P4HA2: variants seen among roughly 807,000 people sequenced by gnomAD.
P4HA2 encodes prolyl 4-hydroxylase subunit alpha-2.
Under a neutral mutation model 76.9 loss-of-function variants are expected in P4HA2, and 46 were observed. That is an observed-to-expected ratio of 0.60 (90% CI 0.47 to 0.76). The LOEUF is 0.76. Among genes scored for constraint, P4HA2 ranks in the 30% least tolerant of loss-of-function variants. P4HA2 has a pLI of 0.00. For missense variants in P4HA2, 583 were observed against 669.4 expected (o/e 0.87, Z 1.42); for synonymous variants, 243 against 254.0 (o/e 0.96, Z 0.41).
At position 132,227,825 on chromosome 5, in the gene P4HA2, C is replaced by G. The variant is rs1755613648; in HGVS notation, c.-54G>C. The G allele has an allele frequency of 6.6e-6, 1 of 152,242 alleles. No homozygotes were observed. Among genetic ancestry groups the G allele is most frequent in the Non-Finnish European group, 1.5e-5 (1 of 68,074 alleles). The allele number at this position is 152,242 out of a possible 1,614,324, so 9.4% of individuals were successfully genotyped here. A position where few individuals can be genotyped will look rare whatever the true frequency, so the allele number is the denominator to read the frequency against. On this transcript the variant is annotated 5_prime_UTR_variant, in exon 1 of 15. Coordinates refer to ENST00000360568, the MANE Select transcript of P4HA2 (RefSeq NM_001017974.2). ...GCAGCTCCCGGCGTTTCCAGAACCT[C>G]CCGCGGCGTCGCCCGGTCAGCTCGG...
At chr5:132,199,050 C>G (rs1751117285) in intron 10 of P4HA2, 118 bp from the exon 11 acceptor site, 1 of 717,606 alleles carries the variant, frequency 1.4e-6, no homozygotes, top group Non-Finnish European at 2.5e-6. Context: ...CAAGAGCAGC[C>G]TCTCTAAGGT....
At chr5:132,194,024 C>T (rs1750231836) in intron 14 of P4HA2, among the ~76,000 whole-genome samples, 1 of 152,132 alleles carries the variant, frequency 6.6e-6, no homozygotes, top group South Asian at 2.1e-4. Flanking sequence ...TGATATTTAA[C>T]CTCATTTTTC....
At chr5:132,218,493 C>T (rs969692356) in intron 2 of P4HA2, 52 bp downstream of exon 2, 13 of 1,242,778 alleles carry the variant, frequency 1.0e-5, no homozygotes, top group Admixed American at 1.7e-5. Context: ...CAGAGACATC[C>T]GTGGCATGTG....
In P4HA2 at chr5:132,218,526, C is replaced by T; in HGVS notation, c.82+19G>A. The stretch of plus-strand genomic sequence containing the variant: ...GTGAGCCAAGGTGTCAGGGAGACGA[C>T]AGTCCTGTTGGCACGTACCAATAGA... On this transcript the variant is annotated intron_variant, in intron 2 of 14. Coordinates refer to ENST00000360568, the MANE Select transcript of P4HA2 (RefSeq NM_001017974.2). 6.4e-7 allele frequency: 1 copy of T among 1,571,158 alleles called. No homozygotes were observed. Among genetic ancestry groups the T allele is most frequent in the Non-Finnish European group, 8.8e-7 (1 of 1,141,364 alleles).
At chr5:132,206,675 A>G (rs967197167) in intron 8 of P4HA2, among the ~76,000 whole-genome samples, 2 of 152,258 alleles carry the variant, frequency 1.3e-5, no homozygotes, top group Admixed American at 6.5e-5. Flanking sequence ...CAAAACCAAC[A>G]GCCAACTGCA....
intron 4 of P4HA2, among the ~76,000 whole-genome samples, chr5:132,216,981 A>G (rs911947008): frequency 2.0e-5 from 3 of 152,210 alleles, no homozygotes; most frequent in African/African-American, 7.2e-5. Context: ...AAAGACGCTA[A>G]AAAAAGAACT....
In P4HA2 at chr5:132,192,017, C is replaced by T. The variant is rs1749963583; in HGVS notation, c.*993G>A. The T allele has an allele frequency of 1.3e-5, 2 of 152,226 alleles. No individual in the cohort carries two copies. Among genetic ancestry groups the T allele is most frequent in the Non-Finnish European group, 2.9e-5 (2 of 68,044 alleles). The allele number at this position is 152,226 out of a possible 1,614,324, so 9.4% of individuals were successfully genotyped here. On this transcript the variant is annotated 3_prime_UTR_variant, in exon 15 of 15. Coordinates refer to ENST00000360568, the MANE Select transcript of P4HA2 (RefSeq NM_001017974.2). The stretch of plus-strand genomic sequence containing the variant: ...GAAGCCACATACCCAAAAATATTTA[C>T]TCTCATTCTATTAGTAAAAGTTCAA...
At chr5:132,196,860 C>CAAAAAAA (rs34410092) in intron 12 of P4HA2, among the ~76,000 whole-genome samples, 1 of 99,992 alleles carries the variant, frequency 1.0e-5, no homozygotes, top group Non-Finnish European at 1.9e-5. Flanking sequence ...GAGTCTGTCT[C>CAAAAAAA]AAAAAAAAAA....
intron 1 of P4HA2, chr5:132,227,308 A>C (rs959471870): frequency 6.6e-6 from 1 of 152,296 alleles, no homozygotes; most frequent in Non-Finnish European, 1.5e-5. Flanking sequence ...ATGGGCTCCA[A>C]GCTGGACCCT....
intron 1 of P4HA2, among the ~76,000 whole-genome samples, chr5:132,219,251 A>G (rs1364818722): frequency 2.0e-5 from 3 of 152,228 alleles, no homozygotes; most frequent in African/African-American, 7.2e-5. Flanking sequence ...CAGAGGAGAC[A>G]GTCTCCTAGG....
intron 8 of P4HA2, among the ~76,000 whole-genome samples, chr5:132,205,256 A>G (rs1752051109): frequency 6.6e-6 from 1 of 152,214 alleles, no homozygotes; most frequent in Non-Finnish European, 1.5e-5. Flanking sequence ...TGAAGGGTTA[A>G]CATGAGTTAT....
intron 1 of P4HA2, among the ~76,000 whole-genome samples, chr5:132,218,948 C>T (rs924330431): frequency 2.0e-5 from 3 of 152,166 alleles, no homozygotes; most frequent in South Asian, 2.1e-4. Flanking sequence ...ACAGTCAGCT[C>T]GGGTTCCAAT....
At chr5:132,217,171 T>C in intron 4 of P4HA2, 26 bp downstream of exon 4, 1 of 1,610,090 alleles carries the variant, frequency 6.2e-7, no homozygotes, top group Non-Finnish European at 8.5e-7. Context: ...ATGGGCTCAC[T>C]CAAGCACCTG....
intron 12 of P4HA2, among the ~76,000 whole-genome samples, chr5:132,196,961 T>C (rs1750723888): frequency 6.6e-6 from 1 of 151,506 alleles, no homozygotes; most frequent in Non-Finnish European, 1.5e-5. Context: ...TATGTTCTGC[T>C]CACCAGCATG....
chr5:132,217,368 G>C lies in P4HA2; in HGVS notation c.180-20C>G. The C allele has an allele frequency of 6.2e-7, 1 of 1,613,722 alleles. No individual in the cohort carries two copies. The highest frequency in any genetic ancestry group is 8.5e-7 in the Non-Finnish European group (1 of 1,179,662). ...GCCCAGCTGTGGAACCAGAGGAAAA[G>C]GAAGACTAATGCGTCCACCCACATA... On this transcript the variant is annotated intron_variant, in intron 3 of 14. Coordinates refer to ENST00000360568, the MANE Select transcript of P4HA2 (RefSeq NM_001017974.2).
At position 132,218,634 on chromosome 5, in the gene P4HA2, G is replaced by T; in HGVS notation, c.-8C>A. The stretch of plus-strand genomic sequence containing the variant: ...AGACACCCAGAGTTTCATGGTCACA[G>T]AGGGAAGTGTCTGAAAGGCATTCAA... On this transcript the variant is annotated 5_prime_UTR_variant, in exon 2 of 15. It adds an upstream start codon to the 5' untranslated region. Transcript: ENST00000360568. 6.2e-7 allele frequency: 1 copy of T among 1,609,112 alleles called. No homozygotes were observed.
chr5:132,223,635 G>T (rs374945102), intron 1 of P4HA2, among the ~76,000 whole-genome samples: 1 of 152,212 alleles, frequency 6.6e-6, no homozygotes, highest in Non-Finnish European at 1.5e-5. Context: ...AAGTACTTAA[G>T]CTCTGTCTCA....
At chr5:132,202,485 G>A (rs946420750) in intron 10 of P4HA2, 2 of 152,288 alleles carry the variant, frequency 1.3e-5, no homozygotes, top group African/African-American at 2.4e-5. Flanking sequence ...TAAAGGTAAA[G>A]GCTGCTATCT....
At chr5:132,224,823 C>G (rs1755133206) in intron 1 of P4HA2, among the ~76,000 whole-genome samples, 1 of 152,108 alleles carries the variant, frequency 6.6e-6, no homozygotes, top group Admixed American at 6.5e-5. Context: ...TACACCCTGG[C>G]CCTCAGAGTG....
Sources: allele counts gnomAD v4.1 joint callset (sites outside exome capture counted in the v4.1 genomes callset), GRCh38; gene constraint gnomAD v4.1.1; transcripts MANE v1.5; gene names NCBI Gene and HGNC (gene_info 2026-07-23, HGNC 2026-07-21).